SDCBP: variants seen among roughly 807,000 people sequenced by gnomAD.
SDCBP encodes the protein syndecan binding protein.
A neutral mutation model predicts 30.5 loss-of-function variants in SDCBP; 22 were observed. The observed-to-expected ratio is 0.72, with a 90% CI of 0.52 to 1.03. SDCBP has a LOEUF of 1.03. SDCBP is among the 50% of genes least tolerant of loss of function. The pLI, the probability that SDCBP is intolerant of heterozygous loss-of-function variation, is 0.00. For missense variants in SDCBP, 304 were observed against 369.9 expected, an observed-to-expected ratio of 0.82 and a Z score of 1.46; for synonymous variants, 103 against 118.7, an observed-to-expected ratio of 0.87 and a Z score of 0.86.
intron 1 of SDCBP, chr8:58,561,177 CAG>C (rs1258942542): frequency 6.6e-6 from 1 of 151,458 alleles, no homozygotes; most frequent in Non-Finnish European, 1.5e-5. Flanking sequence ...ATTATCCAGT[CAG>C]AGAAGCAAAA....
chr8:58,581,239 C>T (rs1805666789), intron 8 of SDCBP, among the ~76,000 whole-genome samples: 1 of 152,202 alleles, frequency 6.6e-6, no homozygotes, highest in South Asian at 2.1e-4. Flanking sequence ...GATTCATAAA[C>T]ATAACCATTG....
chr8:58,564,948 C>G, intron 1 of SDCBP, 71 bp from the exon 2 acceptor site: 1 of 745,862 alleles, frequency 1.3e-6, no homozygotes, highest in Non-Finnish European at 2.2e-6. Context: ...GTTTATGTGT[C>G]TGTGGTTAGC....
intron 4 of SDCBP, among the ~76,000 whole-genome samples, chr8:58,574,233 G>A (rs570534876): frequency 6.6e-6 from 1 of 152,166 alleles, no homozygotes; most frequent in East Asian, 1.9e-4. Flanking sequence ...ACCCTTCTAA[G>A]TATTCACATT....
At chr8:58,568,966 C>T (rs1028573824) in intron 2 of SDCBP, among the ~76,000 whole-genome samples, 10 of 152,056 alleles carry the variant, frequency 6.6e-5, no homozygotes, top group African/African-American at 2.2e-4. Context: ...TTCACTGCAG[C>T]GTCCATCCTC....
intron 2 of SDCBP, 56 bp downstream of exon 2, chr8:58,565,140 A>G: frequency 1.2e-6 from 1 of 859,880 alleles, no homozygotes; most frequent in South Asian, 1.9e-5. Context: ...CATTCTACTT[A>G]TAGGTGAAAT....
At position 58,574,744 on chromosome 8, in the gene SDCBP, C is replaced by T. The variant is rs1366080646; in HGVS notation, c.241-1156C>T. ...ACAAATATAAATTGTATATATTCAA[C>T]TGTATATATCAATACAACTTGATGT... On this transcript the variant is annotated intron_variant, in intron 4 of 8. Transcript: ENST00000260130. Among the ~76,000 whole-genome samples the T allele has an allele frequency of 2.0e-5, 3 of 152,104 alleles. No individual in the cohort carries two copies. In the East Asian group the frequency reaches 5.8e-4, roughly 29 times the overall value.
intron 1 of SDCBP, among the ~76,000 whole-genome samples, chr8:58,556,927 AAT>A (rs1209577898): frequency 2.3e-5 from 3 of 132,648 alleles, no homozygotes; most frequent in Non-Finnish European, 4.7e-5. Context: ...AATTATATAT[AAT>A]ATATATTATT....
intron 8 of SDCBP, among the ~76,000 whole-genome samples, chr8:58,581,385 C>T (rs140233132): frequency 2.0e-3 from 301 of 152,280 alleles, no homozygotes; most frequent in African/African-American, 6.4e-3. Context: ...TCTACCCCAA[C>T]TCATCACAGC....
chr8:58,564,282 G>A (rs1421596874), intron 1 of SDCBP, among the ~76,000 whole-genome samples: 3 of 152,124 alleles, frequency 2.0e-5, no homozygotes, highest in African/African-American at 7.2e-5. Flanking sequence ...GTTTTATTGG[G>A]TTGAGTGAAA....
At chr8:58,556,092 A>T (rs7825996) in intron 1 of SDCBP, among the ~76,000 whole-genome samples, 47,871 of 151,910 alleles carry the variant, frequency 0.32, 7,735 homozygotes, top group East Asian at 0.55. Flanking sequence ...ATAATTTTTT[A>T]AAAAAATCAA....
chr8:58,556,282 A>G (rs114379191), intron 1 of SDCBP, among the ~76,000 whole-genome samples: 2,585 of 152,228 alleles, frequency 0.017, 34 homozygotes, highest in African/African-American at 0.036. Context: ...TTGCATGCAC[A>G]ATTCACAATA....
At chr8:58,558,563 A>C (rs938617494) in intron 1 of SDCBP, among the ~76,000 whole-genome samples, 1 of 152,186 alleles carries the variant, frequency 6.6e-6, no homozygotes, top group Non-Finnish European at 1.5e-5. Context: ...GATTACAGGC[A>C]CTGCGCCCAG....
chr8:58,579,185 G>A (rs1233065098), intron 6 of SDCBP, among the ~76,000 whole-genome samples: 2 of 152,034 alleles, frequency 1.3e-5, no homozygotes, highest in African/African-American at 4.8e-5. Flanking sequence ...AAATCAAGAT[G>A]TGAGAAATAT....
Position 58,578,129 on chromosome 8 carries a change from G to A in SDCBP, c.499G>A (p.Ala167Thr). The part of the protein sequence containing the change: ...QVLQINGENC[A>T]GWSSDKAHKV... Reference sequence around the variant, plus strand: ...ACTTCAGATCAATGGTGAAAACTGTGCAGGATGGAGCTCTGATAAAGCGCA... The same window carrying A: ...ACTTCAGATCAATGGTGAAAACTGTACAGGATGGAGCTCTGATAAAGCGCA... The change falls in exon 6 of 9, where the codon GCA (alanine) becomes ACA (threonine). Residue 167 changes from alanine (A) to threonine (T), a missense_variant. Coordinates refer to ENST00000260130, the MANE Select transcript of SDCBP (RefSeq NM_005625.4). 5.6e-6 allele frequency: 9 copies of A among 1,612,802 alleles called. No individual in the cohort carries two copies. The highest frequency in any genetic ancestry group is 6.8e-6 in the Non-Finnish European group (8 of 1,179,608).
intron 1 of SDCBP, 50 bp from the exon 2 acceptor site, chr8:58,564,969 A>G: frequency 9.9e-7 from 1 of 1,013,076 alleles, no homozygotes; most frequent in Non-Finnish European, 1.5e-6. Flanking sequence ...TGTGTATACT[A>G]TTTCAATTTC....
rs574435144 is a variant in SDCBP at position 58,579,327 on chromosome 8, G to A, written c.579-296G>A. On this transcript the variant is annotated intron_variant, in intron 6 of 8. Coordinates refer to ENST00000260130, the MANE Select transcript of SDCBP (RefSeq NM_005625.4). ...AAAAGCCTATGTCATTCTTAATGCTGTAAAGTCTAATTATAAAAGAAAAAC... is the reference window on the plus strand; with the variant it reads ...AAAAGCCTATGTCATTCTTAATGCTATAAAGTCTAATTATAAAAGAAAAAC... Among the ~76,000 whole-genome samples the A allele has an allele frequency of 1.3e-3, 205 of 152,228 alleles. 2 individuals carry two copies. The highest frequency in any genetic ancestry group is 4.8e-3 in the African/African-American group (198 of 41,542).
intron 4 of SDCBP, among the ~76,000 whole-genome samples, chr8:58,575,293 G>C (rs1313781879): frequency 6.6e-6 from 1 of 152,144 alleles, no homozygotes; most frequent in East Asian, 1.9e-4. Flanking sequence ...AGGAAAACTG[G>C]AAAGAATTAG....
chr8:58,570,891 A>G lies in SDCBP; in HGVS notation c.56A>G (p.Gln19Arg). ...DLKVDKVIQA[Q>R]TAFSANPANP... ...TTTTCTTCTTTTCTTTTTCAGGCTC[A>G]AACTGCTTTTTCTGCAAACCCTGCC... Residue 19 changes from glutamine to arginine, a missense_variant, in exon 3 of 9, where the codon CAA (glutamine) becomes CGA (arginine). Coordinates refer to ENST00000260130, the MANE Select transcript of SDCBP (RefSeq NM_005625.4). 6.2e-7 allele frequency: 1 copy of G among 1,612,664 alleles called. No homozygotes were observed. The highest frequency in any genetic ancestry group is 1.7e-5 in the Admixed American group (1 of 60,012).
chr8:58,553,489 G>T (rs559499369), intron 1 of SDCBP, among the ~76,000 whole-genome samples, 186 bp downstream of exon 1: 11 of 152,158 alleles, frequency 7.2e-5, no homozygotes, highest in East Asian at 2.0e-4. Context: ...CTGCTGGCTG[G>T]GGGGGCAAGT....
Sources: allele counts gnomAD v4.1 joint callset (sites outside exome capture counted in the v4.1 genomes callset), GRCh38; gene constraint gnomAD v4.1.1; transcripts MANE v1.5; gene names NCBI Gene and HGNC (gene_info 2026-07-23, HGNC 2026-07-21).